The following FOXN3 variants were observed in gnomAD, a reference collection of about 807,000 sequenced individuals.
The protein encoded by FOXN3 is forkhead box N3.
In FOXN3, 7 loss-of-function variants were observed where a neutral mutation model predicts 38.4. The ratio of observed to expected loss-of-function variants is 0.18; its 90% CI spans 0.10 to 0.34. FOXN3 has a LOEUF of 0.34. Ranked by LOEUF, FOXN3 falls within the 10% of genes least tolerant of loss-of-function variation. FOXN3 has a pLI of 1.00. For synonymous variants in FOXN3, 230 were observed against 242.2 expected, an observed-to-expected ratio of 0.95 and a Z score of 0.47; for missense variants, 456 against 613.4, an observed-to-expected ratio of 0.74 and a Z score of 2.71.
intron 1 of FOXN3, among the ~76,000 whole-genome samples, chr14:89,584,576 G>A (rs979375875): frequency 1.3e-5 from 2 of 152,034 alleles, no homozygotes; most frequent in Non-Finnish European, 2.9e-5. Flanking sequence ...TTTATACTAG[G>A]TGGTGCAGTA....
In FOXN3 at chr14:89,297,212, C is replaced by T. The variant is rs993964878; in HGVS notation, c.681-16198G>A. 4.3e-4 allele frequency among the ~76,000 whole-genome samples: 66 copies of T among 152,298 alleles called. 1 individual carries two copies. The highest frequency in any genetic ancestry group is 1.5e-3 in the African/African-American group (61 of 41,572). ...AATGCCACGGAGGCGGCGCAAAAGACATCCCCTTAAAATGGTGCAGGCACT... is the reference window on the plus strand; with the variant it reads ...AATGCCACGGAGGCGGCGCAAAAGATATCCCCTTAAAATGGTGCAGGCACT... On this transcript the variant is annotated intron_variant, in intron 3 of 5. Transcript: ENST00000557258.
chr14:89,512,727 T>C (rs552898960), intron 1 of FOXN3, among the ~76,000 whole-genome samples: 2 of 152,308 alleles, frequency 1.3e-5, no homozygotes, highest in South Asian at 4.1e-4. Context: ...AAATAATCAA[T>C]GTGTCAAAGA....
chr14:89,280,908 G>A (rs1243095064), intron 4 of FOXN3, 42 bp downstream of exon 4: 1 of 1,548,438 alleles, frequency 6.5e-7, no homozygotes, highest in Non-Finnish European at 8.9e-7. Context: ...AAGGCGGGTG[G>A]GTGAGGGGGA....
chr14:89,418,697 C>T (rs1445879702), upstream of FOXN3, among the ~76,000 whole-genome samples: 6 of 152,288 alleles, frequency 3.9e-5, no homozygotes, highest in East Asian at 1.2e-3. Flanking sequence ...TTTGAAGTCT[C>T]ACGCCAGAGA....
At chr14:89,248,813 AT>A (rs886395425) in intron 4 of FOXN3, among the ~76,000 whole-genome samples, 3 of 152,228 alleles carry the variant, frequency 2.0e-5, no homozygotes, top group Admixed American at 6.5e-5. Flanking sequence ...AAACAGGTGA[AT>A]TTTTTTAAAG....
chr14:89,507,704 T>C (rs945354572), intron 1 of FOXN3, among the ~76,000 whole-genome samples: 8 of 151,908 alleles, frequency 5.3e-5, no homozygotes, highest in African/African-American at 1.2e-4. Context: ...GTGAGTAATA[T>C]GAAGAGGCAT....
At chr14:89,473,970 A>G (rs1158857461) in intron 1 of FOXN3, among the ~76,000 whole-genome samples, 4 of 152,258 alleles carry the variant, frequency 2.6e-5, no homozygotes, top group African/African-American at 9.6e-5. Context: ...TTCCATAGCA[A>G]AATACATCAA....
In FOXN3 at chr14:89,391,548, G is replaced by C. The variant is rs539430347; in HGVS notation, c.543+20386C>G. ...AAAGGCTGCTTCTTCCCAGTTCAAG[G>C]TTTAACTAGGCCCTGAATAAGAAAT... On this transcript the variant is annotated intron_variant, in intron 2 of 5. Coordinates refer to ENST00000557258, the MANE Select transcript of FOXN3 (RefSeq NM_005197.4). Among the ~76,000 whole-genome samples, 20 of 152,176 alleles carry C rather than the reference G, an allele frequency of 1.3e-4. No homozygotes were observed. The South Asian group carries it at 4.2e-3, about 32-fold the overall frequency.
chr14:89,521,981 C>T (rs1210439583), intron 1 of FOXN3, among the ~76,000 whole-genome samples: 3 of 148,940 alleles, frequency 2.0e-5, no homozygotes, highest in Non-Finnish European at 3.0e-5. Context: ...GATCACACCA[C>T]AGCACTCCAG....
intron 1 of FOXN3, among the ~76,000 whole-genome samples, chr14:89,564,054 C>T (rs1895300369): frequency 6.6e-6 from 1 of 151,972 alleles, no homozygotes; most frequent in African/African-American, 2.4e-5. Context: ...GAGGTTTCAC[C>T]ATGTTGGCCA....
intron 4 of FOXN3, among the ~76,000 whole-genome samples, chr14:89,227,523 G>A (rs1235399454): frequency 6.6e-6 from 1 of 152,128 alleles, no homozygotes; most frequent in East Asian, 1.9e-4. Context: ...CATGAAATGT[G>A]GCGGGTCAGT....
intron 1 of FOXN3, among the ~76,000 whole-genome samples, chr14:89,435,687 A>T (rs1892260975): frequency 6.6e-6 from 1 of 152,196 alleles, no homozygotes; most frequent in Admixed American, 6.5e-5. Flanking sequence ...CTGTGGTTTC[A>T]TTCTTGAGAA....
At chr14:89,329,847 C>G (rs1888187366) in intron 3 of FOXN3, among the ~76,000 whole-genome samples, 1 of 97,872 alleles carries the variant, frequency 1.0e-5, no homozygotes. Flanking sequence ...CAGAGCGAGA[C>G]TCAGTCTCAA....
chr14:89,228,575 A>T (rs769617127), intron 4 of FOXN3, among the ~76,000 whole-genome samples: 2 of 152,248 alleles, frequency 1.3e-5, no homozygotes, highest in African/African-American at 2.4e-5. Flanking sequence ...ATAAAAAAGC[A>T]TAGGTTTGAA....
At chr14:89,187,499 T>C (rs960587590) in intron 4 of FOXN3, among the ~76,000 whole-genome samples, 3 of 152,182 alleles carry the variant, frequency 2.0e-5, no homozygotes, top group Non-Finnish European at 1.5e-5. Context: ...GGCTGTTGCC[T>C]TTAACCATTT....
chr14:89,291,062 C>A (rs1442080737), intron 3 of FOXN3: 1 of 489,976 alleles, frequency 2.0e-6, no homozygotes, highest in Non-Finnish European at 4.1e-6. Context: ...CATATGACCT[C>A]ACCCAATCCA....
intron 1 of FOXN3, among the ~76,000 whole-genome samples, chr14:89,552,877 C>T (rs906843640): frequency 2.6e-5 from 4 of 152,158 alleles, no homozygotes; most frequent in Admixed American, 6.5e-5. Context: ...GGTAAAAGAG[C>T]GAGACTCCGT....
At chr14:89,216,854 T>C (rs1884300173) in intron 4 of FOXN3, among the ~76,000 whole-genome samples, 1 of 152,220 alleles carries the variant, frequency 6.6e-6, no homozygotes, top group East Asian at 1.9e-4. Context: ...TGCGTGTGGC[T>C]GTCATCAAAA....
At chr14:89,470,789 C>T (rs7156014) in intron 1 of FOXN3, among the ~76,000 whole-genome samples, 2,334 of 152,252 alleles carry the variant, frequency 0.015, 50 homozygotes, top group African/African-American at 0.053. Context: ...GCCAATGCCT[C>T]GGAGCGGCCC....
Sources: allele counts gnomAD v4.1 joint callset (sites outside exome capture counted in the v4.1 genomes callset), GRCh38; gene constraint gnomAD v4.1.1; transcripts MANE v1.5; gene names NCBI Gene and HGNC (gene_info 2026-07-23, HGNC 2026-07-21).